Variants in DPP10 observed in about 807,000 individuals in gnomAD.
The protein encoded by DPP10 is inactive dipeptidyl peptidase 10.
DPP10 carries 33 observed loss-of-function variants against 120.9 expected under a neutral mutation model. The observed-to-expected ratio is 0.27, with a 90% confidence interval of 0.21 to 0.37. The LOEUF is 0.37. DPP10 is among the 10% of genes least tolerant of loss of function. The probability of loss-of-function intolerance (pLI) is 1.00; values close to 1 mark genes in which losing one functional copy is unlikely to be tolerated. For synonymous variants in DPP10, 337 were observed against 326.1 expected (o/e 1.03, Z -0.36); for missense variants, 816 against 942.8 (o/e 0.87, Z 1.76).
chr2:115,068,174 A>T (rs1168818388), intron 1 of DPP10, among the ~76,000 whole-genome samples: 1 of 152,098 alleles, frequency 6.6e-6, no homozygotes, highest in East Asian at 1.9e-4. Context: ...ACAATTTACA[A>T]TCCCACCAAG....
chr2:115,329,267 A>G (rs990669508), intron 2 of DPP10, among the ~76,000 whole-genome samples: 3 of 152,036 alleles, frequency 2.0e-5, no homozygotes, highest in Admixed American at 1.3e-4. Context: ...AAATGTATTT[A>G]TAATTAAAAT....
chr2:115,139,668 G>C (rs528561013), intron 1 of DPP10, among the ~76,000 whole-genome samples: 1 of 138,636 alleles, frequency 7.2e-6, no homozygotes, highest in Admixed American at 8.4e-5. Context: ...AAACACCTAG[G>C]GATGCTGCAG....
chr2:115,130,536 C>CCATCCATT (rs1009341706), intron 1 of DPP10, among the ~76,000 whole-genome samples: 1 of 148,656 alleles, frequency 6.7e-6, no homozygotes, highest in African/African-American at 2.5e-5. Flanking sequence ...ATCCATCCAT[C>CCATCCATT]CATCCATTCA....
chr2:115,339,604 T>C lies in DPP10; in HGVS notation c.176-4213T>C, dbSNP rs934272936. On this transcript the variant is annotated intron_variant, in intron 2 of 25. Transcript: ENST00000410059. Reference sequence around the variant, plus strand: ...GAAGAGTTAAAGAATGGTCTCTCAATACCCTGGAATATTACTCAGCCATCA... The same window carrying C: ...GAAGAGTTAAAGAATGGTCTCTCAACACCCTGGAATATTACTCAGCCATCA... Among the ~76,000 whole-genome samples, 3 of 152,246 alleles carry C rather than the reference T, an allele frequency of 2.0e-5. No homozygotes were observed. The East Asian group carries it at 5.8e-4, about 29-fold the overall frequency.
intron 11 of DPP10, among the ~76,000 whole-genome samples, chr2:115,753,656 T>G (rs1679038386): frequency 6.6e-6 from 1 of 152,200 alleles, no homozygotes; most frequent in Admixed American, 6.5e-5. Flanking sequence ...CCTATCTTCT[T>G]TAAACATATT....
intron 21 of DPP10, among the ~76,000 whole-genome samples, chr2:115,834,256 T>G (rs2150111138): frequency 6.6e-6 from 1 of 152,298 alleles, no homozygotes; most frequent in African/African-American, 2.4e-5. Flanking sequence ...ATGAAATTCT[T>G]TATTTCTTAC....
intron 2 of DPP10, among the ~76,000 whole-genome samples, chr2:115,327,868 T>A (rs762175665): frequency 1.3e-5 from 2 of 152,076 alleles, no homozygotes; most frequent in Non-Finnish European, 2.9e-5. Context: ...ATAAAGAATA[T>A]AATGACAATT....
In DPP10 at chr2:115,367,008, A is replaced by G. The variant is rs776562339; in HGVS notation, c.271+23096A>G. On this transcript the variant is annotated intron_variant, in intron 3 of 25. Transcript: ENST00000410059. ...CATCACTATCTTCTTAACCCATCCT[A>G]TATACGAAGATATTTTCTGCAATTT... is the stretch of plus-strand genomic sequence containing the variant. Among the ~76,000 whole-genome samples, 127 of 151,972 alleles carry G rather than the reference A, an allele frequency of 8.4e-4. 1 individual carries two copies. Among genetic ancestry groups the G allele is most frequent in the Non-Finnish European group, 2.4e-4 (16 of 67,968 alleles).
intron 3 of DPP10, among the ~76,000 whole-genome samples, chr2:115,382,243 C>G (rs186376874): frequency 6.6e-6 from 1 of 152,020 alleles, no homozygotes; most frequent in Admixed American, 6.6e-5. Flanking sequence ...GAGCCATGTG[C>G]GGGATATAAT....
chr2:115,232,376 A>G (rs1336628432), intron 1 of DPP10, among the ~76,000 whole-genome samples: 1 of 152,124 alleles, frequency 6.6e-6, no homozygotes, highest in Non-Finnish European at 1.5e-5. Flanking sequence ...AAAGCTGGGT[A>G]TGGGGGAGAA....
chr2:115,596,572 C>A (rs2083002685), intron 5 of DPP10, among the ~76,000 whole-genome samples: 1 of 152,094 alleles, frequency 6.6e-6, no homozygotes, highest in South Asian at 2.1e-4. Flanking sequence ...TCTTGATTAC[C>A]TGTTTTCTTC....
intron 7 of DPP10, among the ~76,000 whole-genome samples, chr2:115,722,156 A>C (rs2092664146): frequency 6.6e-6 from 1 of 152,148 alleles, no homozygotes; most frequent in Non-Finnish European, 1.5e-5. Context: ...GAGTGAGATT[A>C]GTAAGCTCTA....
intron 1 of DPP10, among the ~76,000 whole-genome samples, chr2:115,082,191 A>G (rs988324096): frequency 1.3e-5 from 2 of 152,130 alleles, no homozygotes; most frequent in Non-Finnish European, 2.9e-5. Flanking sequence ...TTTTAACAGT[A>G]AGAGTATTAG....
intron 5 of DPP10, among the ~76,000 whole-genome samples, chr2:115,653,818 A>G (rs1444191609): frequency 1.3e-5 from 2 of 151,874 alleles, no homozygotes; most frequent in African/African-American, 2.4e-5. Flanking sequence ...ATTTTGGCCA[A>G]TCCCTGTAGA....
chr2:115,384,434 G>GAAGAAGAGGAAGAAGAAGGAGAAT (rs2106497634), intron 3 of DPP10, among the ~76,000 whole-genome samples: 1 of 142,782 alleles, frequency 7.0e-6, no homozygotes, highest in African/African-American at 2.6e-5. Flanking sequence ...AGAAGGAGAA[G>GAAGAAGAGGAAGAAGAAGGAGAAT]AAGAAGAGGA....
chr2:115,233,750 C>T (rs187789490), intron 1 of DPP10, among the ~76,000 whole-genome samples: 3 of 152,284 alleles, frequency 2.0e-5, no homozygotes, highest in East Asian at 1.9e-4. Flanking sequence ...CTCTTGTGGG[C>T]GTGGACAGGA....
chr2:115,182,944 G>A (rs1307196031), intron 1 of DPP10, among the ~76,000 whole-genome samples: 2 of 152,034 alleles, frequency 1.3e-5, no homozygotes, highest in African/African-American at 2.4e-5. Flanking sequence ...AGGACGATGT[G>A]GCATACACCC....
At chr2:114,942,231 C>T (rs576030776) in intron 1 of DPP10, among the ~76,000 whole-genome samples, 44 of 147,338 alleles carry the variant, frequency 3.0e-4, no homozygotes, top group Non-Finnish European at 4.5e-4. Context: ...CAAGATGGTG[C>T]CACTGCACTC....
intron 2 of DPP10, among the ~76,000 whole-genome samples, chr2:115,319,459 A>G (rs2061955115): frequency 6.6e-6 from 1 of 152,210 alleles, no homozygotes; most frequent in Admixed American, 6.5e-5. Flanking sequence ...AGTTTGAGAA[A>G]GATGAGTGTT....
Sources: gnomAD v4.1 joint callset for allele counts (sites outside exome capture counted in the v4.1 genomes callset) on GRCh38, gnomAD v4.1.1 for gene constraint, MANE v1.5 for transcripts, NCBI Gene and HGNC (gene_info 2026-07-23, HGNC 2026-07-21) for gene names.